EPHA7: variants seen among roughly 807,000 people sequenced by gnomAD.
The protein encoded by EPHA7 is EPH receptor A7.
EPHA7 carries 25 observed loss-of-function variants against 112.6 expected under a neutral mutation model. The observed-to-expected ratio is 0.22, with a 90% CI of 0.16 to 0.31. EPHA7 has a LOEUF of 0.31. Ranked by LOEUF, EPHA7 falls within the 10% of genes least tolerant of loss-of-function variation. The pLI, the probability that EPHA7 is intolerant of heterozygous loss-of-function variation, is 1.00. For missense variants in EPHA7, 962 were observed against 1,212.6 expected (o/e 0.79, Z 3.07); for synonymous variants, 437 against 406.5 (o/e 1.07, Z -0.90).
At chr6:93,406,836 G>T (rs148763220) in intron 3 of EPHA7, among the ~76,000 whole-genome samples, 3 of 151,570 alleles carry the variant, frequency 2.0e-5, no homozygotes, top group Non-Finnish European at 4.4e-5. Flanking sequence ...TAGTCTTCCC[G>T]AAATATTTAC....
intron 5 of EPHA7, among the ~76,000 whole-genome samples, chr6:93,333,273 T>TCA (rs1774693611): frequency 6.6e-6 from 1 of 151,902 alleles, no homozygotes; most frequent in South Asian, 2.1e-4. Context: ...ATTTTCTCCA[T>TCA]GCAGTCTCTA....
chr6:93,357,579 C>T (rs566033972), intron 4 of EPHA7, among the ~76,000 whole-genome samples: 12 of 151,812 alleles, frequency 7.9e-5, no homozygotes, highest in African/African-American at 2.9e-4. Context: ...GAGGTCTGCT[C>T]TATTTAGTAA....
chr6:93,313,974 T>C (rs1325629991), intron 5 of EPHA7, among the ~76,000 whole-genome samples: 1 of 152,144 alleles, frequency 6.6e-6, no homozygotes, highest in African/African-American at 2.4e-5. Context: ...CCTTTATCTT[T>C]TCTACTCCTG....
chr6:93,281,097 G>C (rs1283439075), intron 5 of EPHA7, among the ~76,000 whole-genome samples: 2 of 152,076 alleles, frequency 1.3e-5, no homozygotes, highest in East Asian at 3.9e-4. Context: ...TTATAAAATA[G>C]CTATTTCAGT....
At chr6:93,289,080 T>G (rs955063493) in intron 5 of EPHA7, among the ~76,000 whole-genome samples, 4 of 151,248 alleles carry the variant, frequency 2.6e-5, no homozygotes, top group Admixed American at 2.0e-4. Context: ...CCCTCTTGGA[T>G]AGGAAGCTTT....
At chr6:93,351,708 G>A (rs1437302043) in intron 5 of EPHA7, among the ~76,000 whole-genome samples, 2 of 151,800 alleles carry the variant, frequency 1.3e-5, no homozygotes, top group African/African-American at 4.8e-5. Flanking sequence ...GGGAAAATAT[G>A]AGGCCAAAAA....
chr6:93,390,624 A>G (rs940535928), intron 3 of EPHA7, among the ~76,000 whole-genome samples: 43 of 151,598 alleles, frequency 2.8e-4, no homozygotes, highest in African/African-American at 1.0e-3. Flanking sequence ...GGGGATATAA[A>G]TGTAGAAAAA....
intron 2 of EPHA7, among the ~76,000 whole-genome samples, chr6:93,413,239 C>A (rs1258718749): frequency 6.6e-6 from 1 of 151,772 alleles, no homozygotes; most frequent in African/African-American, 2.4e-5. Flanking sequence ...AAAATATTGT[C>A]CATCATTGTT....
chr6:93,344,218 T>C (rs1373552021), intron 5 of EPHA7, among the ~76,000 whole-genome samples: 1 of 151,634 alleles, frequency 6.6e-6, no homozygotes, highest in Non-Finnish European at 1.5e-5. Context: ...AATGATACTA[T>C]CTTAGATGAC....
chr6:93,372,554 G>A (rs994074498), intron 3 of EPHA7, among the ~76,000 whole-genome samples: 1 of 152,082 alleles, frequency 6.6e-6, no homozygotes, highest in Non-Finnish European at 1.5e-5. Flanking sequence ...ATATATTAGT[G>A]TTGAATGCTA....
In EPHA7 at chr6:93,264,200, T is replaced by C. The variant is rs543420865; in HGVS notation, c.1743-285A>G. 2.0e-5 allele frequency among the ~76,000 whole-genome samples: 3 copies of C among 151,682 alleles called. 1 individual carries two copies. The Admixed American group carries it at 2.0e-4, about 10-fold the overall frequency. ...AAGGTTCAATTTACAAAAATATTCA[T>C]GAGTCACAAATAGTCACAGGTGAAT... On this transcript the variant is annotated intron_variant, in intron 8 of 16. Coordinates refer to ENST00000369303, the MANE Select transcript of EPHA7 (RefSeq NM_004440.4).
At chr6:93,419,035 G>C (rs1419615408) in intron 1 of EPHA7, among the ~76,000 whole-genome samples, 1 of 152,188 alleles carries the variant, frequency 6.6e-6, no homozygotes, top group Non-Finnish European at 1.5e-5. Flanking sequence ...GGACGGCTCC[G>C]GGCACAGGGC....
At chr6:93,399,809 A>C (rs1446613451) in intron 3 of EPHA7, among the ~76,000 whole-genome samples, 2 of 152,002 alleles carry the variant, frequency 1.3e-5, no homozygotes, top group Non-Finnish European at 2.9e-5. Flanking sequence ...GTAAGATGTG[A>C]CTTACTTTTG....
chr6:93,382,116 G>T (rs1777365463), intron 3 of EPHA7, among the ~76,000 whole-genome samples: 1 of 152,144 alleles, frequency 6.6e-6, no homozygotes, highest in Admixed American at 6.5e-5. Flanking sequence ...CTCAAATGTT[G>T]TTATCTCACA....
At chr6:93,400,269 T>G (rs542371341) in intron 3 of EPHA7, among the ~76,000 whole-genome samples, 1 of 152,226 alleles carries the variant, frequency 6.6e-6, no homozygotes, top group African/African-American at 2.4e-5. Flanking sequence ...TATTATTTTC[T>G]ATATGAGAAC....
intron 5 of EPHA7, among the ~76,000 whole-genome samples, chr6:93,312,238 C>G (rs1303514177): frequency 1.3e-5 from 2 of 152,182 alleles, no homozygotes; most frequent in Non-Finnish European, 2.9e-5. Context: ...ATACCAAGTT[C>G]TAGATGGCAT....
At chr6:93,389,884 C>T (rs1472249659) in intron 3 of EPHA7, among the ~76,000 whole-genome samples, 6 of 151,900 alleles carry the variant, frequency 3.9e-5, no homozygotes, top group African/African-American at 1.2e-4. Flanking sequence ...ATAAGATACA[C>T]AAAATCAACA....
In EPHA7 at chr6:93,257,542, A is replaced by AC; in HGVS notation, c.2111-20_2111-19insG. On this transcript the variant is annotated intron_variant, in intron 11 of 16. Coordinates refer to ENST00000369303, the MANE Select transcript of EPHA7 (RefSeq NM_004440.4). ...GGTTTCCCTAAAATTAAAAAAAAAA[A>AC]GTTTCAGGAGTCGTAACCTGAGCTG... 1.3e-6 allele frequency: 2 copies of AC among 1,550,058 alleles called. No individual in the cohort carries two copies. Among genetic ancestry groups the AC allele is most frequent in the Non-Finnish European group, 1.8e-6 (2 of 1,131,498 alleles).
chr6:93,263,832 T>C (rs775985065), intron 9 of EPHA7, 28 bp downstream of exon 9: 10 of 1,598,752 alleles, frequency 6.3e-6, no homozygotes, highest in South Asian at 3.3e-5. Context: ...TAGGGGTACA[T>C]CATAATAAAG....
Sources: allele counts gnomAD v4.1 joint callset (sites outside exome capture counted in the v4.1 genomes callset), GRCh38; gene constraint gnomAD v4.1.1; transcripts MANE v1.5; gene names NCBI Gene and HGNC (gene_info 2026-07-23, HGNC 2026-07-21).